The following DOCK9 variants were observed in gnomAD, a reference collection of about 807,000 sequenced individuals.
DOCK9 encodes the protein dedicator of cytokinesis 9.
DOCK9 carries 89 observed loss-of-function variants against 263.3 expected under a neutral mutation model. That is an observed-to-expected ratio of 0.34 (90% CI 0.28 to 0.40). The LOEUF (loss-of-function observed/expected upper bound fraction) is 0.40, where lower values mean the gene tolerates loss of function less well. Ranked by LOEUF, DOCK9 falls within the 10% of genes least tolerant of loss-of-function variation. The pLI is 1.00. For synonymous variants in DOCK9, 976 were observed against 973.1 expected (o/e 1.00, Z -0.06); for missense variants, 2,140 against 2,603.4 (o/e 0.82, Z 3.87).
rs377202764 is a variant in DOCK9, at chr13:98,972,063, T to C, written c.126+5721A>G. Among the ~76,000 whole-genome samples the C allele has an allele frequency of 1.1e-4, 17 of 152,348 alleles. No homozygotes were observed. The Middle Eastern group carries it at 0.01, about 91-fold the overall frequency. ...TGAATCGTGCATATGTGTCCAGGTA[T>C]GGATTTTAGAAAACCTGACCCAAAG... On this transcript the variant is annotated intron_variant, in intron 1 of 52. Transcript: ENST00000682017.
chr13:99,022,904 G>A (rs889022262), intron 1 of DOCK9, among the ~76,000 whole-genome samples: 1 of 152,216 alleles, frequency 6.6e-6, no homozygotes, highest in African/African-American at 2.4e-5. Flanking sequence ...AGCTATGACT[G>A]TGGCACTGCA....
At chr13:98,795,312 G>A (rs2089234488) in intron 52 of DOCK9, among the ~76,000 whole-genome samples, 1 of 152,198 alleles carries the variant, frequency 6.6e-6, no homozygotes, top group Non-Finnish European at 1.5e-5. Context: ...TGTCTTGGGA[G>A]AGGGTGGCTA....
intron 47 of DOCK9, chr13:98,808,633 T>C (rs780153717): frequency 2.2e-5 from 34 of 1,576,118 alleles, no homozygotes; most frequent in Non-Finnish European, 2.7e-5. Context: ...GCATTTACTG[T>C]AATTACCTCC....
At chr13:98,985,977 A>C (rs1367540155) in intron 1 of DOCK9, among the ~76,000 whole-genome samples, 1 of 152,250 alleles carries the variant, frequency 6.6e-6, no homozygotes, top group Non-Finnish European at 1.5e-5. Context: ...TTTCCTCACT[A>C]CATCACAAAT....
chr13:99,004,847 T>C (rs969671300), intron 1 of DOCK9, among the ~76,000 whole-genome samples: 7 of 151,362 alleles, frequency 4.6e-5, no homozygotes, highest in Non-Finnish European at 1.0e-4. Flanking sequence ...CACACACATA[T>C]TCATATCCAA....
chr13:98,795,345 T>C (rs1297954224), intron 52 of DOCK9, among the ~76,000 whole-genome samples: 2 of 152,208 alleles, frequency 1.3e-5, no homozygotes, highest in Non-Finnish European at 1.5e-5. Context: ...TGAACAAGTA[T>C]CTTTCCATGC....
At chr13:99,003,247 A>G (rs1205465972) in intron 1 of DOCK9, among the ~76,000 whole-genome samples, 1 of 152,200 alleles carries the variant, frequency 6.6e-6, no homozygotes, top group African/African-American at 2.4e-5. Context: ...ACTCAGACAG[A>G]GGTCTTCAAG....
intron 1 of DOCK9, among the ~76,000 whole-genome samples, chr13:99,039,422 T>A (rs1263258753): frequency 6.6e-6 from 1 of 152,218 alleles, no homozygotes; most frequent in African/African-American, 2.4e-5. Context: ...GTTACTTTAC[T>A]TTTTACTAAA....
intron 2 of DOCK9, among the ~76,000 whole-genome samples, chr13:98,938,332 G>T (rs969413555): frequency 6.6e-6 from 1 of 152,194 alleles, no homozygotes; most frequent in African/African-American, 2.4e-5. Flanking sequence ...CTAATTAGCT[G>T]TGCAGTCTTG....
intron 1 of DOCK9, among the ~76,000 whole-genome samples, chr13:99,039,177 A>T (rs1423813576): frequency 3.3e-5 from 5 of 152,234 alleles, no homozygotes; most frequent in Non-Finnish European, 4.4e-5. Flanking sequence ...AGGTCCAGCA[A>T]ATAAAATACT....
Position 98,977,965 on chromosome 13 carries a change from G to C in DOCK9, c.-56C>G. The C allele has an allele frequency of 1.3e-6, 2 of 1,525,350 alleles. No individual in the cohort carries two copies. The highest frequency in any genetic ancestry group is 1.8e-6 in the Non-Finnish European group (2 of 1,135,002). The allele number at this position is 1,525,350 out of a possible 1,614,324, so 94.5% of individuals were successfully genotyped here. A position where few individuals can be genotyped will look rare whatever the true frequency, so the allele number is the denominator to read the frequency against. ...GCAACTGGAACAGCTGCGAGTCCCT[G>C]GCCGTGCAAGGCACAGGCATGCCAG... On this transcript the variant is annotated 5_prime_UTR_variant, in exon 1 of 53. Coordinates refer to ENST00000682017, the MANE Select transcript of DOCK9 (RefSeq NM_001366683.2).
chr13:98,853,493 G>A lies in DOCK9; in HGVS notation c.3861C>T (p.Ser1287=), dbSNP rs780521260. The A allele has an allele frequency of 3.3e-5, 54 of 1,613,288 alleles. No homozygotes were observed. Among genetic ancestry groups the A allele is most frequent in the South Asian group, 9.9e-5 (9 of 90,990 alleles). The change falls in exon 35 of 53, where the codon TCC becomes TCT. Residue 1287 remains serine (S), a synonymous_variant. Coordinates refer to ENST00000682017, the MANE Select transcript of DOCK9 (RefSeq NM_001366683.2). ...GGTCAAGTTTATCACAGCGAACCAC[G>A]GAATTTCCCAATGTGCTACTTTGTT... is the stretch of plus-strand genomic sequence containing the variant. The part of the protein sequence containing the change: ...KHQQSSTLGN[S]VVRCDKLDQS...
chr13:98,876,757 A>G (rs1367601307), intron 27 of DOCK9, among the ~76,000 whole-genome samples: 1 of 152,232 alleles, frequency 6.6e-6, no homozygotes, highest in East Asian at 1.9e-4. Flanking sequence ...TCTCAGCTCA[A>G]TAATGTGTGA....
Position 99,079,766 on chromosome 13 carries a change from G to A in DOCK9, c.129+6457C>T, listed in dbSNP as rs565258777. On this transcript the variant is annotated intron_variant, in intron 1 of 32. Coordinates refer to the DOCK9 transcript ENST00000427887. ...TCAAAAATCCCTCTCCAGGCCGGGC[G>A]TGGTGGCTCATGCCTGTAATCCCTG... Among the ~76,000 whole-genome samples, 50 of 152,260 alleles carry A rather than the reference G, an allele frequency of 3.3e-4. No homozygotes were observed. The South Asian group carries it at 5.8e-3, about 18-fold the overall frequency.
intron 13 of DOCK9, among the ~76,000 whole-genome samples, chr13:98,900,799 C>T (rs1014617400): frequency 6.6e-6 from 1 of 152,166 alleles, no homozygotes; most frequent in Non-Finnish European, 1.5e-5. Context: ...CTTCTGACTC[C>T]AAAATCCATT....
intron 18 of DOCK9, among the ~76,000 whole-genome samples, chr13:98,887,137 ATATATATTTTTTTTTTTTTTT>A (rs1189791819): frequency 1.9e-5 from 1 of 53,150 alleles, no homozygotes; most frequent in African/African-American, 7.2e-5. Flanking sequence ...ATATATATAT[ATATATATTTTTTTTTTTTTTT>A]TTTTTTTTTG....
chr13:98,886,160 T>G (rs762370773), intron 19 of DOCK9, among the ~76,000 whole-genome samples: 1 of 152,130 alleles, frequency 6.6e-6, no homozygotes, highest in Non-Finnish European at 1.5e-5. Flanking sequence ...ATACAGTGGT[T>G]TCAATGAATT....
At chr13:98,842,462 T>C (rs796988623) in intron 38 of DOCK9, among the ~76,000 whole-genome samples, 26 of 152,390 alleles carry the variant, frequency 1.7e-4, no homozygotes, top group African/African-American at 6.3e-4. Context: ...CTGCTACCTC[T>C]TGGCTGGTGT....
chr13:98,978,949 C>T (rs1485730859), upstream of DOCK9, among the ~76,000 whole-genome samples: 1 of 151,894 alleles, frequency 6.6e-6, no homozygotes, highest in East Asian at 1.9e-4. Flanking sequence ...GTCTTTTTTA[C>T]CTCTTGGGAA....
Sources: gnomAD v4.1 joint callset for allele counts (sites outside exome capture counted in the v4.1 genomes callset) on GRCh38, gnomAD v4.1.1 for gene constraint, MANE v1.5 for transcripts, NCBI Gene and HGNC (gene_info 2026-07-23, HGNC 2026-07-21) for gene names.